PLCXD3: variants seen among roughly 807,000 people sequenced by gnomAD.
The protein encoded by PLCXD3 is phosphatidylinositol specific phospholipase C X domain containing 3.
Under a neutral mutation model 25.5 loss-of-function variants are expected in PLCXD3, and 19 were observed. The observed-to-expected ratio is 0.75, with a 90% CI of 0.52 to 1.09. The LOEUF (loss-of-function observed/expected upper bound fraction) is 1.09. PLCXD3 is among the 50% of genes least tolerant of loss of function. The pLI is 0.00. For synonymous variants in PLCXD3, 174 were observed against 137.6 expected (o/e 1.26, Z -1.85); for missense variants, 411 against 388.1 (o/e 1.06, Z -0.50).
chr5:41,331,790 A>G (rs1364875172), intron 2 of PLCXD3, among the ~76,000 whole-genome samples: 4 of 152,184 alleles, frequency 2.6e-5, no homozygotes, highest in African/African-American at 4.8e-5. Context: ...ATAATGCCAC[A>G]TATCTACAAC....
At chr5:41,495,543 A>G (rs1407592116) in intron 1 of PLCXD3, among the ~76,000 whole-genome samples, 1 of 152,220 alleles carries the variant, frequency 6.6e-6, no homozygotes, top group African/African-American at 2.4e-5. Context: ...GATGCCTGGG[A>G]AGCTCTGAGA....
chr5:41,469,451 T>C (rs1748101449), intron 1 of PLCXD3, among the ~76,000 whole-genome samples: 1 of 151,294 alleles, frequency 6.6e-6, no homozygotes, highest in South Asian at 2.1e-4. Context: ...AGTTCTTCTT[T>C]AAATGTTTGG....
At chr5:41,361,116 A>G (rs953029850) in intron 2 of PLCXD3, among the ~76,000 whole-genome samples, 2 of 143,656 alleles carry the variant, frequency 1.4e-5, no homozygotes, top group South Asian at 2.3e-4. Context: ...TCTCAGGCCA[A>G]TGAGGTTATG....
chr5:41,421,094 T>A (rs2150506038), intron 1 of PLCXD3, among the ~76,000 whole-genome samples: 1 of 152,294 alleles, frequency 6.6e-6, no homozygotes, highest in Admixed American at 6.5e-5. Context: ...AGTTATTTTC[T>A]GGTAACATAA....
intron 1 of PLCXD3, among the ~76,000 whole-genome samples, chr5:41,388,677 A>C (rs1164395175): frequency 1.3e-5 from 2 of 152,054 alleles, no homozygotes; most frequent in Non-Finnish European, 1.5e-5. Context: ...TAAGTAAATA[A>C]GAAAACTAAA....
At chr5:41,447,648 T>C (rs1368952320) in intron 1 of PLCXD3, among the ~76,000 whole-genome samples, 5 of 152,196 alleles carry the variant, frequency 3.3e-5, no homozygotes, top group Non-Finnish European at 1.5e-5. Context: ...TTGCATTTAA[T>C]TGCCAAGATT....
In PLCXD3 at chr5:41,311,493, G is replaced by A. The variant is rs1009386603; in HGVS notation, c.*2124C>T. The A allele has an allele frequency of 9.2e-5, 14 of 151,992 alleles. No individual in the cohort carries two copies. Among genetic ancestry groups the A allele is most frequent in the African/African-American group, 3.4e-4 (14 of 41,370 alleles). 9.4% of individuals were successfully genotyped at this position (151,992 alleles called of 1,614,324 possible). On this transcript the variant is annotated 3_prime_UTR_variant, in exon 3 of 3. Coordinates refer to ENST00000377801, the MANE Select transcript of PLCXD3 (RefSeq NM_001005473.3). Reference sequence around the variant, plus strand: ...AATTAAATTATTTAATATTATCAATGTCTTCATTTGAAAAGAAGAATTGTA... The same window carrying A: ...AATTAAATTATTTAATATTATCAATATCTTCATTTGAAAAGAAGAATTGTA...
chr5:41,410,717 G>A (rs1028965831), intron 1 of PLCXD3, among the ~76,000 whole-genome samples: 3 of 152,114 alleles, frequency 2.0e-5, no homozygotes, highest in Non-Finnish European at 2.9e-5. Context: ...CTAAAACTGA[G>A]CATCAACAGC....
chr5:41,371,864 A>G (rs1043180724), intron 2 of PLCXD3, among the ~76,000 whole-genome samples: 1 of 152,136 alleles, frequency 6.6e-6, no homozygotes, highest in Non-Finnish European at 1.5e-5. Flanking sequence ...TTGGAATGTG[A>G]ACTGAGATTT....
intron 2 of PLCXD3, among the ~76,000 whole-genome samples, chr5:41,353,311 CAGG>C (rs1561242517): frequency 6.6e-6 from 1 of 151,692 alleles, no homozygotes; most frequent in Non-Finnish European, 1.5e-5. Context: ...CTGTGTTTGC[CAGG>C]ATGGTCTCAA....
At position 41,475,400 on chromosome 5, in the gene PLCXD3, A is replaced by G. The variant is rs1240175156; in HGVS notation, c.103+35024T>C. Among the ~76,000 whole-genome samples the G allele has an allele frequency of 3.9e-5, 6 of 152,124 alleles. No individual in the cohort carries two copies. The South Asian group carries it at 1.2e-3, about 32-fold the overall frequency. On this transcript the variant is annotated intron_variant, in intron 1 of 2. Transcript: ENST00000377801. ...CTGCAAGTTTCTGCTGGCTTCTGCT[A>G]GTCTCTACTAGTCTTTGCTAGTCTC...
At chr5:41,386,709 C>T (rs749182149) in intron 1 of PLCXD3, among the ~76,000 whole-genome samples, 5 of 152,016 alleles carry the variant, frequency 3.3e-5, no homozygotes, top group Non-Finnish European at 5.9e-5. Context: ...GTAGAGAAGG[C>T]CATACGGCAA....
At chr5:41,318,822 C>A (rs974106657) in intron 2 of PLCXD3, among the ~76,000 whole-genome samples, 1 of 152,044 alleles carries the variant, frequency 6.6e-6, no homozygotes, top group Non-Finnish European at 1.5e-5. Context: ...GATGAGAAAA[C>A]AAGACCCAAT....
At chr5:41,365,895 T>C (rs1744921333) in intron 2 of PLCXD3, among the ~76,000 whole-genome samples, 1 of 151,792 alleles carries the variant, frequency 6.6e-6, no homozygotes, top group Non-Finnish European at 1.5e-5. Context: ...TTTGTCCTTG[T>C]TCTCAATAGG....
At chr5:41,463,881 A>C (rs1018827386) in intron 1 of PLCXD3, among the ~76,000 whole-genome samples, 1 of 141,174 alleles carries the variant, frequency 7.1e-6, no homozygotes, top group Non-Finnish European at 1.6e-5. Context: ...CCTCTTTGAA[A>C]ACTTATCCTC....
At chr5:41,424,844 G>A (rs984329851) in intron 1 of PLCXD3, among the ~76,000 whole-genome samples, 1 of 152,048 alleles carries the variant, frequency 6.6e-6, no homozygotes, top group Non-Finnish European at 1.5e-5. Context: ...CTTGATTTGG[G>A]GAAGCAGGAT....
Position 41,308,676 on chromosome 5 carries a change from A to G in PLCXD3, c.*4941T>C, listed in dbSNP as rs1362358030. ...GGCCTTTAAAAGCTCTCCTAACACC[A>G]AGGCAGTTCATCTTACTTGGGAAGA... On this transcript the variant is annotated 3_prime_UTR_variant, in exon 3 of 3. Coordinates refer to ENST00000377801, the MANE Select transcript of PLCXD3 (RefSeq NM_001005473.3). 1 of 152,164 alleles carries G rather than the reference A, an allele frequency of 6.6e-6. No homozygotes were observed. Among genetic ancestry groups the G allele is most frequent in the Admixed American group, 6.6e-5 (1 of 15,264 alleles). The allele number at this position is 152,164 out of a possible 1,614,324, so 9.4% of individuals were successfully genotyped here.
At chr5:41,496,381 C>A (rs965565811) in intron 1 of PLCXD3, among the ~76,000 whole-genome samples, 3 of 151,672 alleles carry the variant, frequency 2.0e-5, no homozygotes, top group Non-Finnish European at 2.9e-5. Context: ...ATCTGAGGAA[C>A]TCAAATAAGT....
At chr5:41,456,667 G>A (rs1580382407) in intron 1 of PLCXD3, 1 of 267,688 alleles carries the variant, frequency 3.7e-6, no homozygotes, top group East Asian at 1.8e-4. Flanking sequence ...AGATGATTAG[G>A]TCCTGAAGGT....
Sources: allele counts gnomAD v4.1 joint callset (sites outside exome capture counted in the v4.1 genomes callset), GRCh38; gene constraint gnomAD v4.1.1; transcripts MANE v1.5; gene names NCBI Gene and HGNC (gene_info 2026-07-23, HGNC 2026-07-21).